SUSD1: variants seen among roughly 807,000 people sequenced by gnomAD.
The protein encoded by SUSD1 is sushi domain-containing protein 1.
Under a neutral mutation model 86.9 loss-of-function variants are expected in SUSD1, and 65 were observed. The observed-to-expected ratio is 0.75, with a 90% CI of 0.61 to 0.92. SUSD1 has a LOEUF of 0.92. SUSD1 is among the 40% of genes least tolerant of loss of function. SUSD1 has a pLI of 0.00. For synonymous variants in SUSD1, 346 were observed against 350.0 expected, an observed-to-expected ratio of 0.99 and a Z score of 0.13; for missense variants, 850 against 929.7, an observed-to-expected ratio of 0.91 and a Z score of 1.11.
At chr9:112,141,754 A>G (rs976520743) in intron 5 of SUSD1, among the ~76,000 whole-genome samples, 2 of 145,758 alleles carry the variant, frequency 1.4e-5, no homozygotes, top group African/African-American at 5.0e-5. Flanking sequence ...TACATGTAAT[A>G]TATAATATAT....
At chr9:112,145,034 G>A (rs1332125608) in intron 3 of SUSD1, among the ~76,000 whole-genome samples, 1 of 152,038 alleles carries the variant, frequency 6.6e-6, no homozygotes, top group East Asian at 1.9e-4. Flanking sequence ...TTAAGTCCGG[G>A]AGTTCAAGGC....
At position 112,052,455 on chromosome 9, in the gene SUSD1, A is replaced by G; in HGVS notation, c.2110-17T>C. The G allele has an allele frequency of 1.2e-6, 2 of 1,614,048 alleles. No homozygotes were observed. The highest frequency in any genetic ancestry group is 1.7e-6 in the Non-Finnish European group (2 of 1,179,968). ...TCTTCTCACCTATAAAGGAAAACAT[A>G]GCAATGCATTTAGCTAGGTGGCACA... On this transcript the variant is annotated splice_polypyrimidine_tract_variant and intron_variant, in intron 14 of 16. Coordinates refer to ENST00000374270, the MANE Select transcript of SUSD1 (RefSeq NM_022486.5).
intron 8 of SUSD1, chr9:112,103,163 G>C (rs1170921127): frequency 1.1e-5 from 5 of 462,110 alleles, no homozygotes; most frequent in Non-Finnish European, 2.2e-5. Flanking sequence ...GGGAGTTTCT[G>C]CTACCTAAGA....
At position 112,102,297 on chromosome 9, in the gene SUSD1, G is replaced by GA. The variant is rs757352585; in HGVS notation, c.1172-13dup. On this transcript the variant is annotated splice_polypyrimidine_tract_variant and intron_variant, in intron 8 of 16. Transcript: ENST00000374270. ...TAAGAGATCAACTTCTAAAAGACAA[G>GA]AGAGAGAGTTATAGACAGCTTGCAC... 4 of 1,470,352 alleles carry GA rather than the reference G, an allele frequency of 2.7e-6. No homozygotes were observed. The South Asian group carries it at 3.7e-5, about 14-fold the overall frequency. The allele number at this position is 1,470,352 out of a possible 1,614,324, so 91.1% of individuals were successfully genotyped here.
At chr9:112,142,039 C>T (rs2131753270) in intron 5 of SUSD1, among the ~76,000 whole-genome samples, 1 of 151,300 alleles carries the variant, frequency 6.6e-6, no homozygotes, top group South Asian at 2.1e-4. Context: ...AAAGGCAACA[C>T]TACCATTTAA....
intron 12 of SUSD1, 99 bp downstream of exon 12, chr9:112,078,439 T>G (rs1829615956): frequency 9.8e-6 from 12 of 1,221,714 alleles, no homozygotes; most frequent in Non-Finnish European, 1.4e-5. Flanking sequence ...TTAAAGTTCA[T>G]TATATAATGA....
chr9:112,062,857 C>A (rs576051946), intron 13 of SUSD1, 80 bp downstream of exon 13: 91 of 941,440 alleles, frequency 9.7e-5, no homozygotes, highest in Non-Finnish European at 1.5e-4. Context: ...ACACAGAAGT[C>A]TTCTCCTCAC....
At chr9:112,124,923 G>T (rs1340593257) in intron 5 of SUSD1, among the ~76,000 whole-genome samples, 2 of 152,086 alleles carry the variant, frequency 1.3e-5, no homozygotes, top group Non-Finnish European at 2.9e-5. Flanking sequence ...CATAGGAGGA[G>T]ACAAACCCGG....
At chr9:112,132,224 A>T (rs1832064047) in intron 5 of SUSD1, among the ~76,000 whole-genome samples, 1 of 152,210 alleles carries the variant, frequency 6.6e-6, no homozygotes, top group Non-Finnish European at 1.5e-5. Flanking sequence ...GCTCCATCTA[A>T]GACTGTTTAG....
At chr9:112,042,102 T>TG in intron 15 of SUSD1, 142 bp from the exon 16 acceptor site, 1 of 1,543,406 alleles carries the variant, frequency 6.5e-7, no homozygotes, top group Non-Finnish European at 8.7e-7. Context: ...CCAACATGCC[T>TG]GTGTGTCCCC....
chr9:112,151,893 G>A (rs1012515298), intron 2 of SUSD1, among the ~76,000 whole-genome samples: 9 of 152,088 alleles, frequency 5.9e-5, no homozygotes, highest in Non-Finnish European at 1.0e-4. Context: ...AATTAGCCGG[G>A]CACAGTGGTA....
intron 6 of SUSD1, among the ~76,000 whole-genome samples, chr9:112,121,889 T>A (rs1306140289): frequency 1.3e-5 from 2 of 152,202 alleles, no homozygotes; most frequent in African/African-American, 2.4e-5. Context: ...GGCAGAGGTG[T>A]GAAATGAATC....
chr9:112,102,101 G>T, intron 9 of SUSD1, 75 bp downstream of exon 9: 2 of 713,230 alleles, frequency 2.8e-6, no homozygotes, highest in South Asian at 2.1e-5. Flanking sequence ...TAAATACTTT[G>T]GATACTTACT....
At chr9:112,073,731 T>C (rs1589613549) in intron 12 of SUSD1, among the ~76,000 whole-genome samples, 1 of 151,784 alleles carries the variant, frequency 6.6e-6, no homozygotes, top group East Asian at 1.9e-4. Flanking sequence ...CTACTAAAAA[T>C]ATATTTTTAA....
At chr9:112,136,059 C>A (rs1250236175) in intron 5 of SUSD1, among the ~76,000 whole-genome samples, 1 of 152,118 alleles carries the variant, frequency 6.6e-6, no homozygotes, top group Non-Finnish European at 1.5e-5. Context: ...ATGACTTCAA[C>A]CATTTACAAA....
intron 14 of SUSD1, 109 bp downstream of exon 14, chr9:112,058,319 T>C: frequency 7.4e-7 from 1 of 1,352,328 alleles, no homozygotes; most frequent in East Asian, 2.5e-5. Context: ...ATTTTGTGAT[T>C]GTTACATGCA....
intron 12 of SUSD1, among the ~76,000 whole-genome samples, chr9:112,067,557 C>T (rs1029394492): frequency 1.3e-5 from 2 of 152,186 alleles, no homozygotes; most frequent in South Asian, 2.1e-4. Context: ...CAAGTGAACA[C>T]GGTAGGGAAG....
intron 9 of SUSD1, among the ~76,000 whole-genome samples, chr9:112,100,156 A>T (rs1830568894): frequency 6.6e-6 from 1 of 152,184 alleles, no homozygotes; most frequent in South Asian, 2.1e-4. Flanking sequence ...AAAGTGTTTC[A>T]CATGTCACAC....
intron 2 of SUSD1, among the ~76,000 whole-genome samples, chr9:112,155,771 G>A (rs926226518): frequency 2.1e-4 from 32 of 151,702 alleles, no homozygotes; most frequent in Non-Finnish European, 4.1e-4. Flanking sequence ...AGACCACCCC[G>A]GGCAATGTAG....
Sources: allele counts gnomAD v4.1 joint callset (sites outside exome capture counted in the v4.1 genomes callset), GRCh38; gene constraint gnomAD v4.1.1; transcripts MANE v1.5; gene names NCBI Gene and HGNC (gene_info 2026-07-23, HGNC 2026-07-21).